MRPL48: variants seen among roughly 807,000 people sequenced by gnomAD.
MRPL48 encodes mitochondrial ribosomal protein L48.
A neutral mutation model predicts 32.9 loss-of-function variants in MRPL48; 16 were observed. The ratio of observed to expected loss-of-function variants is 0.49; its 90% confidence interval spans 0.33 to 0.74. The LOEUF (loss-of-function observed/expected upper bound fraction) is 0.74, where lower values mean the gene tolerates loss of function less well. MRPL48 is among the 30% of genes least tolerant of loss of function. The pLI is 0.02. For missense variants in MRPL48, 206 were observed against 245.3 expected (o/e 0.84, Z 1.07); for synonymous variants, 94 against 89.2 (o/e 1.05, Z -0.31).
chr11:73,839,640 T>C (rs1424224863), intron 4 of MRPL48, among the ~76,000 whole-genome samples: 2 of 152,014 alleles, frequency 1.3e-5, no homozygotes, highest in African/African-American at 4.8e-5. Context: ...TAAAGATGGA[T>C]TGTAGATCTA....
At chr11:73,838,605 A>C (rs1948141282) in intron 4 of MRPL48, among the ~76,000 whole-genome samples, 1 of 152,140 alleles carries the variant, frequency 6.6e-6, no homozygotes, top group Non-Finnish European at 1.5e-5. Context: ...GACAGCTCTT[A>C]CTGCAGTGCT....
In MRPL48 at chr11:73,825,762, T is replaced by C. The variant is rs1590966418; in HGVS notation, c.167T>C (p.Ile56Thr). 3 of 1,569,218 alleles carry C rather than the reference T, an allele frequency of 1.9e-6. No individual in the cohort carries two copies. The highest frequency in any genetic ancestry group is 2.7e-5 in the African/African-American group (2 of 73,650). Residue 56 changes from isoleucine (I) to threonine (T), a missense_variant, in exon 4 of 8, where the codon ATT becomes ACT. By Grantham distance (89) the Ile-to-Thr change is moderately conservative (BLOSUM62 -1). Transcript: ENST00000310614. ...RPYKTKPTHG[I>T]GKYKHLIKAE... ...TACAAGACAAAGCCCACCCACGGCA[T>C]TGGAAAGTACAAGCACTTAATTAAA...
intron 5 of MRPL48, among the ~76,000 whole-genome samples, chr11:73,845,593 C>T (rs561597718): frequency 7.2e-5 from 11 of 152,008 alleles, no homozygotes; most frequent in African/African-American, 2.4e-4. Context: ...GGCAACATAG[C>T]GAGACCTCGT....
chr11:73,791,437 G>C (rs1293382637), intron 1 of MRPL48, among the ~76,000 whole-genome samples: 1 of 151,734 alleles, frequency 6.6e-6, no homozygotes, highest in African/African-American at 2.4e-5. Context: ...TTTGTTTTGA[G>C]ACAGGGTCTC....
intron 5 of MRPL48, chr11:73,851,189 C>T (rs761449460): frequency 2.5e-5 from 11 of 437,670 alleles, no homozygotes; most frequent in Admixed American, 1.3e-4. Context: ...CAGTTCACAC[C>T]GCCACTGGGT....
intron 3 of MRPL48, among the ~76,000 whole-genome samples, chr11:73,816,192 G>A (rs1385150249): frequency 6.6e-6 from 1 of 151,540 alleles, no homozygotes. Flanking sequence ...CTCCCGAGTA[G>A]CTGGGACTAC....
At chr11:73,848,534 G>A (rs901219452) in intron 5 of MRPL48, among the ~76,000 whole-genome samples, 1 of 146,436 alleles carries the variant, frequency 6.8e-6, no homozygotes, top group Non-Finnish European at 1.5e-5. Flanking sequence ...GATCAATTTG[G>A]GAATAATTGA....
intron 3 of MRPL48, among the ~76,000 whole-genome samples, chr11:73,811,987 A>G (rs932468139): frequency 1.3e-5 from 2 of 152,060 alleles, no homozygotes; most frequent in Middle Eastern, 3.4e-3. Context: ...CCGGGTTCAC[A>G]CCATTCTCCT....
intron 3 of MRPL48, among the ~76,000 whole-genome samples, chr11:73,816,022 G>C (rs1947662877): frequency 6.6e-6 from 1 of 150,934 alleles, no homozygotes; most frequent in African/African-American, 2.4e-5. Flanking sequence ...CACTGGGCCT[G>C]GCTTGGAACT....
intron 1 of MRPL48, among the ~76,000 whole-genome samples, chr11:73,797,258 T>C (rs909797322): frequency 5.3e-5 from 8 of 152,186 alleles, no homozygotes; most frequent in Non-Finnish European, 1.0e-4. Flanking sequence ...ATAAAGCTCT[T>C]CTTTGTCTTG....
intron 5 of MRPL48, among the ~76,000 whole-genome samples, chr11:73,850,842 A>T (rs1229567197): frequency 6.6e-6 from 1 of 152,068 alleles, no homozygotes; most frequent in Non-Finnish European, 1.5e-5. Flanking sequence ...ACGCCTGGCT[A>T]ATTTTTTGTA....
At position 73,790,133 on chromosome 11, in the gene MRPL48, G is replaced by A. The variant is rs1379408829; in HGVS notation, c.21+2141G>A. 4.2e-5 allele frequency among the ~76,000 whole-genome samples: 6 copies of A among 144,334 alleles called. No homozygotes were observed. The East Asian group carries it at 8.3e-4, about 20-fold the overall frequency. 94.7% of individuals were successfully genotyped at this position (144,334 alleles called of 152,430 possible). ...CGCCCAGGCTGGAGTGCAGTGGCGC[G>A]ATCTCGGCTCACTGCAAGCTCCACC... On this transcript the variant is annotated intron_variant, in intron 1 of 7. Transcript: ENST00000310614.
chr11:73,798,734 G>A (rs886385007), intron 1 of MRPL48, among the ~76,000 whole-genome samples: 4 of 152,126 alleles, frequency 2.6e-5, no homozygotes, highest in South Asian at 4.1e-4. Context: ...GCTCACACCT[G>A]TAATCCCAGC....
intron 4 of MRPL48, among the ~76,000 whole-genome samples, chr11:73,837,371 T>A (rs1181393979): frequency 6.6e-6 from 1 of 150,660 alleles, no homozygotes; most frequent in Non-Finnish European, 1.5e-5. Flanking sequence ...TTTCTGGGTC[T>A]CAACTTCCCC....
chr11:73,794,906 A>G (rs1947226658), intron 1 of MRPL48, among the ~76,000 whole-genome samples: 1 of 133,952 alleles, frequency 7.5e-6, no homozygotes, highest in Admixed American at 7.5e-5. Flanking sequence ...CACCATGCCC[A>G]GCTAATTTTT....
chr11:73,829,080 A>G (rs1156920214), intron 4 of MRPL48, among the ~76,000 whole-genome samples: 2 of 152,172 alleles, frequency 1.3e-5, no homozygotes, highest in Non-Finnish European at 2.9e-5. Flanking sequence ...AAGGAAGCTT[A>G]ATGCCGTCTG....
rs536322366 is a variant in MRPL48 at position 73,825,099 on chromosome 11, T to C, written c.113-609T>C. On this transcript the variant is annotated intron_variant, in intron 3 of 7. Coordinates refer to ENST00000310614, the MANE Select transcript of MRPL48 (RefSeq NM_016055.6). ...GAAATTAGCATTTCTCTGTTACGTA[T>C]GCTTTGTACTTTTTCTTGTCATCTA... is the stretch of plus-strand genomic sequence containing the variant. Among the ~76,000 whole-genome samples, 3 of 152,338 alleles carry C rather than the reference T, an allele frequency of 2.0e-5. No homozygotes were observed. In the East Asian group the frequency reaches 5.8e-4, roughly 29 times the overall value.
At chr11:73,789,399 G>A (rs1042687768) in intron 1 of MRPL48, 1 of 152,192 alleles carries the variant, frequency 6.6e-6, no homozygotes, top group African/African-American at 2.4e-5. Context: ...ATCTGACATG[G>A]GTATATAAGG....
intron 3 of MRPL48, among the ~76,000 whole-genome samples, chr11:73,823,675 T>TA (rs397978403): frequency 2.7e-5 from 4 of 146,960 alleles, no homozygotes; most frequent in Non-Finnish European, 4.5e-5. Context: ...TTTTTTTTTT[T>TA]AATTTAGAGA....
Sources: gnomAD v4.1 joint callset for allele counts (sites outside exome capture counted in the v4.1 genomes callset) on GRCh38, gnomAD v4.1.1 for gene constraint, MANE v1.5 for transcripts, NCBI Gene and HGNC (gene_info 2026-07-23, HGNC 2026-07-21) for gene names.